The following YY1 variants were observed in gnomAD, a reference collection of about 807,000 sequenced individuals.
The protein encoded by YY1 is transcriptional repressor protein YY1.
In YY1, 2 loss-of-function variants were observed where a neutral mutation model predicts 35.6. The ratio of observed to expected loss-of-function variants is 0.06; its 90% CI spans 0.02 to 0.18. YY1 has a LOEUF of 0.18. Ranked by LOEUF, YY1 falls within the 10% of genes least tolerant of loss-of-function variation. The probability of loss-of-function intolerance (pLI) is 1.00; values close to 1 mark genes in which losing one functional copy is unlikely to be tolerated. For missense variants in YY1, 322 were observed against 573.4 expected (o/e 0.56, Z 4.48); for synonymous variants, 268 against 238.9 (o/e 1.12, Z -1.12).
intron 1 of YY1, among the ~76,000 whole-genome samples, chr14:100,242,392 T>C (rs796765710): frequency 7.2e-6 from 1 of 139,120 alleles, no homozygotes; most frequent in Non-Finnish European, 1.6e-5. Context: ...TTTTTTTTTT[T>C]TTTTTTTTTT....
At chr14:100,264,327 C>G (rs149811763) in intron 2 of YY1, 6,619 of 152,366 alleles carry the variant, frequency 0.043, 159 homozygotes, top group Non-Finnish European at 0.051. Context: ...CAGGTGCATG[C>G]CACCATGCCT....
chr14:100,260,199 C>T (rs1891061069), intron 1 of YY1, among the ~76,000 whole-genome samples: 1 of 152,008 alleles, frequency 6.6e-6, no homozygotes, highest in Non-Finnish European at 1.5e-5. Flanking sequence ...GCCGCAGCCT[C>T]CCGAGTAGCT....
At chr14:100,274,578 A>T in intron 2 of YY1, 120 bp from the exon 3 acceptor site, 1 of 800,828 alleles carries the variant, frequency 1.2e-6, no homozygotes. Context: ...CTTCATGGAA[A>T]TGTATCATAA....
At chr14:100,250,000 C>T (rs937458365) in intron 1 of YY1, among the ~76,000 whole-genome samples, 4 of 152,060 alleles carry the variant, frequency 2.6e-5, no homozygotes, top group Non-Finnish European at 5.9e-5. Flanking sequence ...CTCGAACTCC[C>T]GACCTCAGGT....
chr14:100,247,995 G>A (rs4334227), intron 1 of YY1, among the ~76,000 whole-genome samples: 7,373 of 152,122 alleles, frequency 0.048, 200 homozygotes, highest in African/African-American at 0.06. Context: ...GCCCAGGCTG[G>A]AGTGCAGTGG....
At chr14:100,246,458 G>A (rs576215020) in intron 1 of YY1, among the ~76,000 whole-genome samples, 2 of 152,290 alleles carry the variant, frequency 1.3e-5, no homozygotes, top group Admixed American at 1.3e-4. Context: ...CCCTTGTTTG[G>A]ACCTTGTGGG....
intron 2 of YY1, among the ~76,000 whole-genome samples, chr14:100,265,120 G>A (rs1185859003): frequency 1.3e-5 from 2 of 152,124 alleles, no homozygotes; most frequent in Non-Finnish European, 2.9e-5. Context: ...GCTCACGCCT[G>A]TAATCCCAGC....
intron 1 of YY1, among the ~76,000 whole-genome samples, chr14:100,261,641 T>C (rs1423686744): frequency 6.6e-6 from 1 of 152,196 alleles, no homozygotes. Context: ...TTACAAATTT[T>C]AGTCAATGGA....
intron 3 of YY1, chr14:100,275,648 A>T (rs947469138): frequency 1.3e-5 from 2 of 152,174 alleles, no homozygotes; most frequent in Admixed American, 1.3e-4. Flanking sequence ...TACCAGTTAA[A>T]TTTTTTAAAT....
At chr14:100,266,975 A>AG (rs1235655805) in intron 2 of YY1, among the ~76,000 whole-genome samples, 1 of 152,198 alleles carries the variant, frequency 6.6e-6, no homozygotes, top group African/African-American at 2.4e-5. Context: ...GACAACCAAG[A>AG]GGACAGCTGT....
chr14:100,270,297 T>G (rs1247621827), intron 2 of YY1, among the ~76,000 whole-genome samples: 1 of 140,716 alleles, frequency 7.1e-6, no homozygotes, highest in Non-Finnish European at 1.5e-5. Context: ...AAAATTAAGT[T>G]ACTAGGAATA....
chr14:100,251,731 T>C (rs1890927922), intron 1 of YY1, among the ~76,000 whole-genome samples: 3 of 152,174 alleles, frequency 2.0e-5, no homozygotes, highest in Non-Finnish European at 4.4e-5. Flanking sequence ...AGATCAGTGG[T>C]ATCCTTCCTC....
chr14:100,276,731 G>C lies in YY1; in HGVS notation c.1062+83G>C. The C allele has an allele frequency of 6.2e-7, 1 of 1,601,598 alleles. No individual in the cohort carries two copies. The highest frequency in any genetic ancestry group is 2.2e-5 in the East Asian group (1 of 44,830). On this transcript the variant is annotated intron_variant, in intron 4 of 4. Coordinates refer to ENST00000262238, the MANE Select transcript of YY1 (RefSeq NM_003403.5). This position sits in a 1 kb window ranked among gnomAD's most constrained non-coding sequence, Gnocchi z 4.1. Reference sequence around the variant, plus strand: ...TAGGTGGTGTGGTGATGAGGCAGGAGGCGCCAGCCCAGAGACTCAGGGTCT... The same window carrying C: ...TAGGTGGTGTGGTGATGAGGCAGGACGCGCCAGCCCAGAGACTCAGGGTCT...
intron 1 of YY1, among the ~76,000 whole-genome samples, chr14:100,262,095 G>T (rs1050205319): frequency 6.6e-6 from 1 of 151,944 alleles, no homozygotes; most frequent in Non-Finnish European, 1.5e-5. Flanking sequence ...GGCTGAATGA[G>T]CCGTGATTGT....
In YY1 at chr14:100,278,204, T is replaced by A. The variant is rs1891353289; in HGVS notation, c.*604T>A. ...GTTGTATTCTTTGATGTTAACACAT[T>A]TTGTATAATTGTATCGTATAGCTGT... On this transcript the variant is annotated 3_prime_UTR_variant, in exon 5 of 5. Coordinates refer to ENST00000262238, the MANE Select transcript of YY1 (RefSeq NM_003403.5). 1.9e-5 allele frequency: 3 copies of A among 155,072 alleles called. No homozygotes were observed. The South Asian group carries it at 6.0e-4, about 31-fold the overall frequency. 9.6% of individuals were successfully genotyped at this position (155,072 alleles called of 1,614,324 possible).
At chr14:100,271,838 G>A (rs1488293141) in intron 2 of YY1, among the ~76,000 whole-genome samples, 1 of 152,044 alleles carries the variant, frequency 6.6e-6, no homozygotes, top group Admixed American at 6.6e-5. Flanking sequence ...GAGACGGGGT[G>A]TTGCTTTCTT....
chr14:100,240,164 T>G (rs1890708191), intron 1 of YY1, among the ~76,000 whole-genome samples: 1 of 143,448 alleles, frequency 7.0e-6, no homozygotes, highest in Non-Finnish European at 1.5e-5. Context: ...TGGCGTAGTT[T>G]CTCCGAGAGG....
intron 1 of YY1, among the ~76,000 whole-genome samples, chr14:100,256,811 A>C (rs1184049735): frequency 6.6e-6 from 1 of 152,154 alleles, no homozygotes; most frequent in African/African-American, 2.4e-5. Flanking sequence ...TGAACTGTAC[A>C]CTTACATATG....
chr14:100,262,587 A>G, intron 2 of YY1, 121 bp downstream of exon 2: 1 of 1,079,396 alleles, frequency 9.3e-7, no homozygotes, highest in Non-Finnish European at 1.4e-6. Context: ...AAATTCCTGA[A>G]AACAAAAGCA....
Sources: gnomAD v4.1 joint callset for allele counts (sites outside exome capture counted in the v4.1 genomes callset) on GRCh38, gnomAD v4.1.1 for gene constraint, Gnocchi (gnomAD v3.1) non-coding constraint, MANE v1.5 for transcripts, NCBI Gene and HGNC (gene_info 2026-07-23, HGNC 2026-07-21) for gene names.